NT5C1A: variants seen among roughly 807,000 people sequenced by gnomAD.
NT5C1A encodes the protein 5'-nucleotidase, cytosolic IA.
In NT5C1A, 18 loss-of-function variants were observed where a neutral mutation model predicts 31.0. The ratio of observed to expected loss-of-function variants is 0.58; its 90% CI spans 0.40 to 0.86. The LOEUF is 0.86. Ranked by LOEUF, NT5C1A falls within the 40% of genes least tolerant of loss-of-function variation. The probability of loss-of-function intolerance (pLI) is 0.00; values close to 1 mark genes in which losing one functional copy is unlikely to be tolerated. For missense variants in NT5C1A, 470 were observed against 505.4 expected (o/e 0.93, Z 0.67); for synonymous variants, 185 against 203.6 (o/e 0.91, Z 0.78).
intron 1 of NT5C1A, among the ~76,000 whole-genome samples, chr1:39,666,778 C>A (rs765473185): frequency 9.9e-5 from 15 of 152,212 alleles, no homozygotes; most frequent in African/African-American, 2.2e-4. Context: ...ATCACCTTCT[C>A]CCCTCCCAAA....
In NT5C1A at chr1:39,661,101, T is replaced by G; in HGVS notation, c.719A>C (p.His240Pro). 6.3e-7 allele frequency: 1 copy of G among 1,588,484 alleles called. No individual in the cohort carries two copies. Among genetic ancestry groups the G allele is most frequent in the Non-Finnish European group, 8.6e-7 (1 of 1,159,122 alleles). ...CACCTGAGCCAGAGGTTTGTTCTCG[T>G]GGGCCTTCTCATGCTCGAAGAATCG... The part of the protein sequence containing the change: ...LDRFFEHEKA[H>P]ENKPLAQGPL... The change falls in exon 5 of 6, where the codon CAC becomes CCC. Residue 240 changes from histidine to proline, a missense_variant. His to Pro is a moderately conservative substitution (Grantham distance 77, BLOSUM62 -2). Coordinates refer to ENST00000235628, the MANE Select transcript of NT5C1A (RefSeq NM_032526.3).
At position 39,653,140 on chromosome 1, in the gene NT5C1A, T is replaced by TA. The variant is rs1570453093; in HGVS notation, c.*5980dup. On this transcript the variant is annotated 3_prime_UTR_variant, in exon 6 of 6. Coordinates refer to ENST00000235628, the MANE Select transcript of NT5C1A (RefSeq NM_032526.3). The stretch of plus-strand genomic sequence containing the variant: ...CAGGTATAGTCAAAAGGATTGCCCT[T>TA]ACACAGATTCTACCACTTCCTTCCC... 6.6e-6 allele frequency among the ~76,000 whole-genome samples: 1 copy of TA among 151,848 alleles called. No individual in the cohort carries two copies. Among genetic ancestry groups the TA allele is most frequent in the Non-Finnish European group, 1.5e-5 (1 of 68,004 alleles).
chr1:39,651,257 A>G lies in NT5C1A; in HGVS notation c.*7864T>C, dbSNP rs1646430721. Among the ~76,000 whole-genome samples the G allele has an allele frequency of 6.6e-6, 1 of 152,252 alleles. No individual in the cohort carries two copies. Among genetic ancestry groups the G allele is most frequent in the East Asian group, 1.9e-4 (1 of 5,204 alleles). ...ATTAAAACCCTCTCCATTTATTTGA[A>G]TGGCTTTTAAGAAGCAGAAGCACAT... On this transcript the variant is annotated 3_prime_UTR_variant, in exon 6 of 6. Transcript: ENST00000235628.
chr1:39,659,607 A>T, intron 5 of NT5C1A, 121 bp from the exon 6 acceptor site: 1 of 1,274,842 alleles, frequency 7.8e-7, no homozygotes, highest in South Asian at 1.5e-5. Flanking sequence ...TAAATCTTTC[A>T]GTTAGCTCTG....
At chr1:39,671,491 G>A (rs1646551489) in intron 1 of NT5C1A, among the ~76,000 whole-genome samples, 2 of 152,336 alleles carry the variant, frequency 1.3e-5, no homozygotes, top group South Asian at 4.1e-4. Context: ...GGAGCCCGAT[G>A]CCCAGATGGC....
intron 5 of NT5C1A, among the ~76,000 whole-genome samples, chr1:39,660,339 A>G (rs1170141640): frequency 6.6e-6 from 1 of 152,206 alleles, no homozygotes; most frequent in Non-Finnish European, 1.5e-5. Context: ...TTAAAAGCTC[A>G]AATAAGAGCT....
chr1:39,664,716 G>C (rs1039057181), intron 3 of NT5C1A, among the ~76,000 whole-genome samples: 1 of 150,054 alleles, frequency 6.7e-6, no homozygotes, highest in Non-Finnish European at 1.5e-5. Context: ...TTTGAACTCC[G>C]GACCTCAAGT....
At position 39,656,533 on chromosome 1, in the gene NT5C1A, T is replaced by C. The variant is rs1281623808; in HGVS notation, c.*2588A>G. On this transcript the variant is annotated 3_prime_UTR_variant, in exon 6 of 6. Transcript: ENST00000235628. ...TTAATGATGGCTCCAGTGAAATCCA[T>C]GGCTTTTACTGCACCTTATCTTTCT... Among the ~76,000 whole-genome samples, 1 of 152,264 alleles carries C rather than the reference T, an allele frequency of 6.6e-6. No homozygotes were observed.
rs1040908759 is a variant in NT5C1A at position 39,657,268 on chromosome 1, C to A, written c.*1853G>T. Among the ~76,000 whole-genome samples the A allele has an allele frequency of 6.6e-6, 1 of 152,212 alleles. No individual in the cohort carries two copies. Among genetic ancestry groups the A allele is most frequent in the Non-Finnish European group, 1.5e-5 (1 of 68,038 alleles). ...AAATCGTTGCTCATTTGAGAACCGT[C>A]TCTGCCTTCTCACTTTGTTCTCCTT... On this transcript the variant is annotated 3_prime_UTR_variant, in exon 6 of 6. Coordinates refer to ENST00000235628, the MANE Select transcript of NT5C1A (RefSeq NM_032526.3).
At chr1:39,661,601 C>T (rs894829728) in intron 4 of NT5C1A, among the ~76,000 whole-genome samples, 1 of 152,326 alleles carries the variant, frequency 6.6e-6, no homozygotes, top group African/African-American at 2.4e-5. Context: ...AAGGAAATTT[C>T]AATACTTTAA....
At chr1:39,668,300 C>A (rs887402654) in intron 1 of NT5C1A, among the ~76,000 whole-genome samples, 3 of 152,190 alleles carry the variant, frequency 2.0e-5, no homozygotes, top group Non-Finnish European at 4.4e-5. Flanking sequence ...GCCCTCCCAG[C>A]CCCATTAGGC....
rs1457958055 is a variant in NT5C1A, at chr1:39,656,714, C to T, written c.*2407G>A. Among the ~76,000 whole-genome samples, 2 of 152,262 alleles carry T rather than the reference C, an allele frequency of 1.3e-5. No homozygotes were observed. Among genetic ancestry groups the T allele is most frequent in the Non-Finnish European group, 2.9e-5 (2 of 68,050 alleles). On this transcript the variant is annotated 3_prime_UTR_variant, in exon 6 of 6. Coordinates refer to ENST00000235628, the MANE Select transcript of NT5C1A (RefSeq NM_032526.3). ...GTGCCGTCCCCAGTGCACAGGTCCACCCTGGTCAGTCAGCCTGTTGCCATG... is the reference window on the plus strand; with the variant it reads ...GTGCCGTCCCCAGTGCACAGGTCCATCCTGGTCAGTCAGCCTGTTGCCATG...
intron 1 of NT5C1A, among the ~76,000 whole-genome samples, chr1:39,669,179 T>C (rs1230912917): frequency 6.6e-6 from 1 of 152,190 alleles, no homozygotes; most frequent in Non-Finnish European, 1.5e-5. Context: ...GGCAGCTCTC[T>C]CTGCCTTTCA....
rs547316131 is a variant in NT5C1A at position 39,661,097 on chromosome 1, C to G, written c.723G>C (p.Glu241Asp). Residue 241 changes from glutamate (E) to aspartate (D), a missense_variant, in exon 5 of 6, where the codon GAG becomes GAC. Transcript: ENST00000235628. ...GGAGCACCTGAGCCAGAGGTTTGTT[C>G]TCGTGGGCCTTCTCATGCTCGAAGA... ...DRFFEHEKAHENKPLAQGPLK... is the reference protein window; with the variant it reads ...DRFFEHEKAHDNKPLAQGPLK... The G allele has an allele frequency of 6.3e-7, 1 of 1,587,654 alleles. No individual in the cohort carries two copies. Among genetic ancestry groups the G allele is most frequent in the Admixed American group, 1.7e-5 (1 of 59,672 alleles).
At chr1:39,661,683 G>T (rs1261811039) in intron 4 of NT5C1A, among the ~76,000 whole-genome samples, 2 of 152,202 alleles carry the variant, frequency 1.3e-5, no homozygotes, top group Admixed American at 6.5e-5. Flanking sequence ...CGTGCCAGGG[G>T]TGCCTCACAG....
intron 1 of NT5C1A, among the ~76,000 whole-genome samples, chr1:39,667,677 G>C (rs1315095214): frequency 6.6e-6 from 1 of 152,124 alleles, no homozygotes; most frequent in African/African-American, 2.4e-5. Context: ...GGACATGGCA[G>C]GAAACAACAC....
chr1:39,664,849 G>T (rs1016824963), intron 3 of NT5C1A, among the ~76,000 whole-genome samples: 15 of 150,704 alleles, frequency 1.0e-4, no homozygotes, highest in Admixed American at 3.3e-4. Flanking sequence ...TCAGGGGAGA[G>T]AGGAAAAAAA....
At chr1:39,665,957 G>T in intron 2 of NT5C1A, 112 bp downstream of exon 2, 1 of 989,168 alleles carries the variant, frequency 1.0e-6, no homozygotes. Context: ...GTACCTGTGT[G>T]GTTACATCTG....
At chr1:39,661,487 A>G (rs1241634401) in intron 4 of NT5C1A, among the ~76,000 whole-genome samples, 8 of 152,242 alleles carry the variant, frequency 5.3e-5, no homozygotes, top group African/African-American at 1.9e-4. Context: ...TTGCCTTGCC[A>G]GGTTACCCTG....
Sources: gnomAD v4.1 joint callset for allele counts (sites outside exome capture counted in the v4.1 genomes callset) on GRCh38, gnomAD v4.1.1 for gene constraint, MANE v1.5 for transcripts, NCBI Gene and HGNC (gene_info 2026-07-23, HGNC 2026-07-21) for gene names.